KCNC2: variants seen among roughly 807,000 people sequenced by gnomAD.
The protein encoded by KCNC2 is voltage-gated potassium channel KCNC2.
A neutral mutation model predicts 44.5 loss-of-function variants in KCNC2; 21 were observed. That is an observed-to-expected ratio of 0.47 (90% CI 0.33 to 0.68). The LOEUF is 0.68. KCNC2 is among the 30% of genes least tolerant of loss of function. KCNC2 has a pLI of 0.01. For synonymous variants in KCNC2, 391 were observed against 339.1 expected, an observed-to-expected ratio of 1.15 and a Z score of -1.68; for missense variants, 589 against 826.2, an observed-to-expected ratio of 0.71 and a Z score of 3.52.
chr12:75,043,422 T>G (rs909939104), intron 4 of KCNC2, 181 bp from the exon 5 acceptor site: 17 of 1,369,014 alleles, frequency 1.2e-5, no homozygotes, highest in Non-Finnish European at 1.6e-5. Context: ...AGTTGCCATT[T>G]TGAAAAGATT....
chr12:75,044,384 C>G (rs1305777087), intron 4 of KCNC2: 1 of 151,756 alleles, frequency 6.6e-6, no homozygotes, highest in African/African-American at 2.4e-5. Flanking sequence ...CACTATATGA[C>G]TTACTTTTTG....
At chr12:75,121,296 C>T (rs1888030011) in intron 2 of KCNC2, among the ~76,000 whole-genome samples, 1 of 152,190 alleles carries the variant, frequency 6.6e-6, no homozygotes, top group Non-Finnish European at 1.5e-5. Context: ...CTTCCAATGT[C>T]AGCTGATTTA....
intron 2 of KCNC2, among the ~76,000 whole-genome samples, chr12:75,200,347 C>A (rs1259388010): frequency 2.6e-5 from 4 of 151,816 alleles, no homozygotes; most frequent in African/African-American, 9.7e-5. Flanking sequence ...GCAGTTGTGC[C>A]AGATGATTGC....
intron 2 of KCNC2, among the ~76,000 whole-genome samples, chr12:75,080,650 G>T (rs753012742): frequency 4.6e-5 from 7 of 152,112 alleles, no homozygotes; most frequent in Non-Finnish European, 1.0e-4. Flanking sequence ...TGTCCTTCAG[G>T]GATTAACTCA....
At chr12:75,159,767 G>T (rs1049510028) in intron 2 of KCNC2, among the ~76,000 whole-genome samples, 1 of 151,780 alleles carries the variant, frequency 6.6e-6, no homozygotes, top group Non-Finnish European at 1.5e-5. Flanking sequence ...ACTACATATT[G>T]CAAGTTCACT....
chr12:75,127,861 C>T (rs1167314564), intron 2 of KCNC2, among the ~76,000 whole-genome samples: 1 of 152,046 alleles, frequency 6.6e-6, no homozygotes, highest in Non-Finnish European at 1.5e-5. Context: ...AACAGGATTT[C>T]CCAGTTTCAG....
At chr12:75,102,956 C>T (rs1323523529) in intron 2 of KCNC2, among the ~76,000 whole-genome samples, 1 of 151,996 alleles carries the variant, frequency 6.6e-6, no homozygotes, top group African/African-American at 2.4e-5. Context: ...AAAACTGTAA[C>T]TAATACTTTC....
chr12:75,207,170 A>G lies in KCNC2; in HGVS notation c.687+127T>C. On this transcript the variant is annotated intron_variant, in intron 2 of 4. Coordinates refer to ENST00000549446, the MANE Select transcript of KCNC2 (RefSeq NM_139137.4). This position sits in a 1 kb window ranked among gnomAD's most constrained non-coding sequence, Gnocchi z 4.1. ...CTGCAAAGGATGAGCCTCTAACTGT[A>G]TCGCTAGGAAATCCCGGGTCTCTTC... 4.9e-6 allele frequency: 7 copies of G among 1,437,968 alleles called. No homozygotes were observed. The highest frequency in any genetic ancestry group is 3.1e-5 in the South Asian group (2 of 65,406). The allele number at this position is 1,437,968 out of a possible 1,614,324, so 89.1% of individuals were successfully genotyped here.
Position 75,064,438 on chromosome 12 carries a change from T to C in KCNC2, c.688-13121A>G, listed in dbSNP as rs754078652. Among the ~76,000 whole-genome samples the C allele has an allele frequency of 1.1e-4, 17 of 152,022 alleles. 1 individual carries two copies. Among genetic ancestry groups the C allele is most frequent in the South Asian group, 4.1e-4 (2 of 4,836 alleles). On this transcript the variant is annotated intron_variant, in intron 2 of 4. Transcript: ENST00000549446. Reference sequence around the variant, plus strand: ...AATTTTTCTTTAAATAATTACAAATTTTTACTTCCTTGGATTACAAGGCTG... The same window carrying C: ...AATTTTTCTTTAAATAATTACAAATCTTTACTTCCTTGGATTACAAGGCTG...
Position 75,040,842 on chromosome 12 carries a change from A to T in KCNC2, c.*2263T>A. The T allele has an allele frequency of 2.2e-6, 1 of 450,270 alleles. No individual in the cohort carries two copies. The highest frequency in any genetic ancestry group is 4.0e-6 in the Non-Finnish European group (1 of 247,050). 27.9% of individuals were successfully genotyped at this position (450,270 alleles called of 1,614,324 possible). A position where few individuals can be genotyped will look rare whatever the true frequency, so the allele number is the denominator to read the frequency against. On this transcript the variant is annotated 3_prime_UTR_variant, in exon 5 of 5. Coordinates refer to ENST00000549446, the MANE Select transcript of KCNC2 (RefSeq NM_139137.4). ...ACCTAATGTGGGCCCATGAAGAGTA[A>T]TTCAAAGAAGTGTGGGCCTTACTTG...
intron 2 of KCNC2, among the ~76,000 whole-genome samples, chr12:75,150,563 C>A (rs140330821): frequency 2.9e-3 from 435 of 151,922 alleles, no homozygotes; most frequent in African/African-American, 9.6e-3. Flanking sequence ...CTATAAGCAC[C>A]ATCAATACTT....
intron 2 of KCNC2, among the ~76,000 whole-genome samples, chr12:75,138,979 T>TTAAAAAA (rs1178222937): frequency 1.3e-5 from 1 of 77,928 alleles, no homozygotes; most frequent in African/African-American, 5.4e-5. Context: ...AGACTCCGTG[T>TTAAAAAA]AAAAAAAAAA....
At position 75,042,254 on chromosome 12, in the gene KCNC2, A is replaced by T. The variant is rs1375451518; in HGVS notation, c.*851T>A. The T allele has an allele frequency of 1.3e-6, 2 of 1,596,462 alleles. No homozygotes were observed. Among genetic ancestry groups the T allele is most frequent in the East Asian group, 2.3e-5 (1 of 44,412 alleles). ...GAACCAAGCAGCAATTTCTGGCTAA[A>T]CAATGCAAGCCTGGCTGGCAGTTAC... On this transcript the variant is annotated 3_prime_UTR_variant, in exon 5 of 5. Coordinates refer to ENST00000549446, the MANE Select transcript of KCNC2 (RefSeq NM_139137.4).
intron 2 of KCNC2, among the ~76,000 whole-genome samples, chr12:75,191,740 C>CG (rs1186039501): frequency 1.3e-5 from 2 of 150,456 alleles, no homozygotes; most frequent in African/African-American, 2.4e-5. Flanking sequence ...TTAGTAGAGA[C>CG]GGGTTTCACC....
chr12:75,093,362 C>T (rs1360363948), intron 2 of KCNC2, among the ~76,000 whole-genome samples: 1 of 151,472 alleles, frequency 6.6e-6, no homozygotes, highest in African/African-American at 2.4e-5. Flanking sequence ...CGTGTTCCTA[C>T]CCTCATGTGG....
chr12:75,065,168 TA>T (rs1478098464), intron 2 of KCNC2, among the ~76,000 whole-genome samples: 2 of 151,996 alleles, frequency 1.3e-5, no homozygotes, highest in South Asian at 2.1e-4. Flanking sequence ...AAAACAGAAA[TA>T]AAAAATTAAA....
intron 2 of KCNC2, among the ~76,000 whole-genome samples, chr12:75,160,654 T>C (rs1891062221): frequency 6.6e-6 from 1 of 151,864 alleles, no homozygotes; most frequent in East Asian, 1.9e-4. Context: ...AGGCGGTTTG[T>C]TTGAAAACAA....
chr12:75,158,699 C>T (rs2137510889), intron 2 of KCNC2, among the ~76,000 whole-genome samples: 1 of 151,344 alleles, frequency 6.6e-6, no homozygotes, highest in East Asian at 2.0e-4. Context: ...TTTTTTTTTC[C>T]CAAAAAACCT....
At chr12:75,113,286 A>T (rs2125419) in intron 2 of KCNC2, among the ~76,000 whole-genome samples, 17,338 of 152,166 alleles carry the variant, frequency 0.11, 1,132 homozygotes, top group African/African-American at 0.16. Flanking sequence ...GATTTGGACC[A>T]GTAAGGTAAA....
Sources: gnomAD v4.1 joint callset for allele counts (sites outside exome capture counted in the v4.1 genomes callset) on GRCh38, gnomAD v4.1.1 for gene constraint, Gnocchi (gnomAD v3.1) non-coding constraint, MANE v1.5 for transcripts, NCBI Gene and HGNC (gene_info 2026-07-23, HGNC 2026-07-21) for gene names.